Variants in COL28A1 observed in about 807,000 individuals in gnomAD.
COL28A1 encodes collagen type XXVIII alpha 1 chain, also known as collagen alpha-1(XXVIII) chain.
COL28A1 carries 161 observed loss-of-function variants against 150.2 expected under a neutral mutation model. The ratio of observed to expected loss-of-function variants is 1.07; its 90% CI spans 0.94 to 1.22. The LOEUF is 1.22. Ranked by LOEUF, COL28A1 falls within the 50% of genes most tolerant of loss-of-function variation. The probability of loss-of-function intolerance (pLI) is 0.00; values close to 1 mark genes in which losing one functional copy is unlikely to be tolerated. For synonymous variants in COL28A1, 552 were observed against 469.7 expected, an observed-to-expected ratio of 1.18 and a Z score of -2.26; for missense variants, 1,617 against 1,388.3, an observed-to-expected ratio of 1.16 and a Z score of -2.62.
At chr7:7,492,709 G>T (rs1021554422) in intron 11 of COL28A1, among the ~76,000 whole-genome samples, 1 of 151,390 alleles carries the variant, frequency 6.6e-6, no homozygotes, top group African/African-American at 2.4e-5. Context: ...GGCTCAGGGT[G>T]ATTTAAAACA....
chr7:7,379,835 C>T (rs753859239), intron 30 of COL28A1, among the ~76,000 whole-genome samples: 15 of 152,116 alleles, frequency 9.9e-5, no homozygotes, highest in Non-Finnish European at 2.1e-4. Context: ...GGGCATCTTT[C>T]GGGGTCTGAC....
chr7:7,338,477 G>C, the COL28A1 span, among the ~76,000 whole-genome samples: 1 of 151,974 alleles, frequency 6.6e-6, no homozygotes, highest in African/African-American at 2.4e-5. Context: ...TTGTGTTCTT[G>C]ATTTGGCTCT....
intron 31 of COL28A1, among the ~76,000 whole-genome samples, chr7:7,375,232 C>A (rs566795167): frequency 2.0e-5 from 3 of 152,332 alleles, no homozygotes; most frequent in Non-Finnish European, 4.4e-5. Context: ...CCTAGGCTGG[C>A]ACCTTCACAT....
chr7:7,370,172 A>G (rs188247627), intron 33 of COL28A1, among the ~76,000 whole-genome samples: 27 of 152,332 alleles, frequency 1.8e-4, no homozygotes, highest in African/African-American at 6.3e-4. Context: ...GAGCTCTGAA[A>G]CAGAGCATCT....
upstream of COL28A1, among the ~76,000 whole-genome samples, chr7:7,536,922 G>A (rs1471133720): frequency 2.0e-5 from 3 of 152,008 alleles, no homozygotes; most frequent in African/African-American, 7.2e-5. Context: ...GTAGGTTCTG[G>A]AAACTGTGAC....
At chr7:7,349,717 C>T in the COL28A1 span, among the ~76,000 whole-genome samples, 34 of 152,222 alleles carry the variant, frequency 2.2e-4, no homozygotes, top group Middle Eastern at 0.01. Context: ...GATCACTGCT[C>T]TTCCTTGCCT....
Position 7,419,955 on chromosome 7 carries a change from T to G in COL28A1, c.1999-2A>C, listed in dbSNP as rs2128308262. On this transcript the variant is annotated splice_acceptor_variant, in intron 25 of 34. Transcript: ENST00000399429. LOFTEE classifies it high-confidence loss of function. Reference sequence around the variant, plus strand: ...AGGGCCTCTGACCCCAGGCTCTCCCTGAAAAGACACAACAAATAACAAGTT... The same window carrying G: ...AGGGCCTCTGACCCCAGGCTCTCCCGGAAAAGACACAACAAATAACAAGTT... The G allele has an allele frequency of 6.3e-7, 1 of 1,579,830 alleles. No homozygotes were observed. The highest frequency in any genetic ancestry group is 1.4e-5 in the African/African-American group (1 of 73,188).
chr7:7,443,493 A>G, intron 20 of COL28A1, 92 bp downstream of exon 20: 1 of 1,562,148 alleles, frequency 6.4e-7, no homozygotes, highest in Non-Finnish European at 8.7e-7. Flanking sequence ...ACATTGACAT[A>G]GTAAGAATAA....
chr7:7,397,767 T>TACCTTACCCCC (rs1420196464), intron 27 of COL28A1, among the ~76,000 whole-genome samples: 1 of 152,186 alleles, frequency 6.6e-6, no homozygotes, highest in African/African-American at 2.4e-5. Context: ...GCTAGAAATG[T>TACCTTACCCCC]TGTACAGGTA....
chr7:7,436,267 T>C, intron 23 of COL28A1, 128 bp downstream of exon 23: 2 of 683,078 alleles, frequency 2.9e-6, no homozygotes, highest in Non-Finnish European at 2.6e-6. Context: ...AAAAAGGGAA[T>C]AGCTATATTC....
chr7:7,495,641 C>T (rs752488547), intron 11 of COL28A1, among the ~76,000 whole-genome samples: 9 of 152,252 alleles, frequency 5.9e-5, no homozygotes, highest in South Asian at 2.1e-4. Context: ...CCATATGCAA[C>T]GCATCCCAAC....
chr7:7,498,275 A>G (rs566935710), intron 11 of COL28A1, among the ~76,000 whole-genome samples: 1 of 152,248 alleles, frequency 6.6e-6, no homozygotes, highest in East Asian at 1.9e-4. Context: ...CCATTAGGAG[A>G]GCTTTTGAGA....
intron 11 of COL28A1, among the ~76,000 whole-genome samples, chr7:7,501,941 G>A (rs543252994): frequency 6.6e-6 from 1 of 152,222 alleles, no homozygotes; most frequent in East Asian, 1.9e-4. Flanking sequence ...TGTCACCCCA[G>A]CTGGAGTGCA....
chr7:7,387,428 T>C (rs1313292572), intron 27 of COL28A1, among the ~76,000 whole-genome samples: 1 of 152,184 alleles, frequency 6.6e-6, no homozygotes, highest in Non-Finnish European at 1.5e-5. Context: ...ATGAGTTCTA[T>C]AGATTAAATA....
At chr7:7,364,462 A>T (rs1003613511) in intron 33 of COL28A1, among the ~76,000 whole-genome samples, 1 of 152,118 alleles carries the variant, frequency 6.6e-6, no homozygotes, top group African/African-American at 2.4e-5. Context: ...TAATTCACCC[A>T]TATGTTTACC....
Position 7,506,021 on chromosome 7 carries a change from C to T in COL28A1, c.1019G>A (p.Gly340Asp). The change falls in exon 11 of 35, where the codon GGC (glycine) becomes GAC (aspartate). Residue 340 changes from glycine to aspartate, a missense_variant. Gly to Asp is a moderately conservative substitution (Grantham distance 94, BLOSUM62 -1). Transcript: ENST00000399429. Reference sequence around the variant, plus strand: ...ATCAAAGGGTAAGATTACCTTATTGCCTTGAAACCCCTTTGGGCCTGGGTC... The same window carrying T: ...ATCAAAGGGTAAGATTACCTTATTGTCTTGAAACCCCTTTGGGCCTGGGTC... ...PGDPGPKGFQ[G>D]NKGEPGPPGP... 1 of 1,397,930 alleles carries T rather than the reference C, an allele frequency of 7.2e-7. No individual in the cohort carries two copies. Among genetic ancestry groups the T allele is most frequent in the Non-Finnish European group, 1.0e-6 (1 of 982,742 alleles). The allele number at this position is 1,397,930 out of a possible 1,614,324, so 86.6% of individuals were successfully genotyped here.
intron 11 of COL28A1, among the ~76,000 whole-genome samples, chr7:7,494,551 G>C (rs538009541): frequency 1.1e-4 from 16 of 152,292 alleles, no homozygotes; most frequent in African/African-American, 3.9e-4. Flanking sequence ...GTCATAACCA[G>C]TCACACAACA....
chr7:7,440,666 T>C, intron 21 of COL28A1, 124 bp downstream of exon 21: 1 of 530,562 alleles, frequency 1.9e-6, no homozygotes, highest in Non-Finnish European at 3.5e-6. Context: ...TATTTTGGGG[T>C]ATTTGTTTTG....
rs1188442971 is a variant in COL28A1 at position 7,374,024 on chromosome 7, T to TAAAAAAAAAA, written c.2360-488_2360-479dup. On this transcript the variant is annotated intron_variant, in intron 31 of 34. Transcript: ENST00000399429. Reference sequence around the variant, plus strand: ...CCTTCTGGTTTCTATACTTGACTCTTAAAAAAAAAAAAAAATATATATATA... The same window carrying TAAAAAAAAAA: ...CCTTCTGGTTTCTATACTTGACTCTTAAAAAAAAAAAAAAAAAAAAAAAAATATATATATA... Among the ~76,000 whole-genome samples, 399 of 116,232 alleles carry TAAAAAAAAAA rather than the reference T, an allele frequency of 3.4e-3. 6 individuals carry two copies. The highest frequency in any genetic ancestry group is 0.015 in the African/African-American group (352 of 23,136). 76.3% of individuals were successfully genotyped at this position (116,232 alleles called of 152,430 possible).
Sources: allele counts gnomAD v4.1 joint callset (sites outside exome capture counted in the v4.1 genomes callset), GRCh38; gene constraint gnomAD v4.1.1; transcripts MANE v1.5; gene names NCBI Gene and HGNC (gene_info 2026-07-23, HGNC 2026-07-21).